FRMPD1: variants seen among roughly 807,000 people sequenced by gnomAD.
FRMPD1 encodes the protein FERM and PDZ domain containing 1, also known as FERM and PDZ domain-containing protein 1.
A neutral mutation model predicts 117.8 loss-of-function variants in FRMPD1; 76 were observed. The observed-to-expected ratio is 0.65, with a 90% confidence interval of 0.54 to 0.78. FRMPD1 has a LOEUF of 0.78. Among genes scored for constraint, FRMPD1 ranks in the 30% least tolerant of loss-of-function variants. The pLI, the probability that FRMPD1 is intolerant of heterozygous loss-of-function variation, is 0.00. For missense variants in FRMPD1, 1,786 were observed against 1,964.5 expected (o/e 0.91, Z 1.72); for synonymous variants, 783 against 770.4 (o/e 1.02, Z -0.27).
At chr9:37,738,314 G>A (rs1026407139) in intron 14 of FRMPD1, among the ~76,000 whole-genome samples, 11 of 142,886 alleles carry the variant, frequency 7.7e-5, no homozygotes, top group African/African-American at 2.8e-4. Context: ...AGAAAGTGAT[G>A]AGTTTGGAGT....
chr9:37,707,627 C>A (rs1396049720), intron 3 of FRMPD1, 54 bp downstream of exon 3: 58 of 1,377,336 alleles, frequency 4.2e-5, no homozygotes, highest in Non-Finnish European at 5.7e-5. Flanking sequence ...GGGGAAATAG[C>A]CCCAAATCTC....
chr9:37,633,575 G>A, the FRMPD1 span, among the ~76,000 whole-genome samples: 1 of 152,204 alleles, frequency 6.6e-6, no homozygotes, highest in Admixed American at 6.5e-5. Context: ...AAGAAAAAAA[G>A]CAGCCTGGTG....
At chr9:37,726,994 G>C (rs1823644951) in intron 7 of FRMPD1, among the ~76,000 whole-genome samples, 1 of 152,150 alleles carries the variant, frequency 6.6e-6, no homozygotes, top group South Asian at 2.1e-4. Context: ...TGGGCCAAGA[G>C]TGATGTGTGA....
chr9:37,640,318 C>G, the FRMPD1 span, among the ~76,000 whole-genome samples: 1 of 152,166 alleles, frequency 6.6e-6, no homozygotes, highest in African/African-American at 2.4e-5. Flanking sequence ...GAGGGGGTGG[C>G]TGAACCGAGG....
chr9:37,708,558 T>C (rs1822798167), intron 4 of FRMPD1, 57 bp downstream of exon 4: 3 of 1,043,464 alleles, frequency 2.9e-6, no homozygotes, highest in South Asian at 1.3e-5. Flanking sequence ...AGAACAAAGA[T>C]GGGCAACAGG....
chr9:37,728,348 G>A (rs1173000183), intron 7 of FRMPD1, among the ~76,000 whole-genome samples: 2 of 152,194 alleles, frequency 1.3e-5, no homozygotes, highest in African/African-American at 4.8e-5. Flanking sequence ...CTGGGACAGA[G>A]AGTAACAGGG....
chr9:37,660,006 G>A (rs1405795654), intron 1 of FRMPD1, among the ~76,000 whole-genome samples: 1 of 151,768 alleles, frequency 6.6e-6, no homozygotes, highest in African/African-American at 2.4e-5. Flanking sequence ...AGCAGGGGGA[G>A]GGTAGTGGCC....
At chr9:37,605,682 T>TTTTATTTA in the FRMPD1 span, among the ~76,000 whole-genome samples, 4,651 of 143,708 alleles carry the variant, frequency 0.032, 84 homozygotes, top group Non-Finnish European at 0.032. Flanking sequence ...TCTGGTAGAA[T>TTTTATTTA]TTTATTTATT....
Position 37,692,677 on chromosome 9 carries a change from G to C in FRMPD1, c.36G>C (p.Arg12=), listed in dbSNP as rs1157597168. The C allele has an allele frequency of 6.2e-7, 1 of 1,613,904 alleles. No homozygotes were observed. The highest frequency in any genetic ancestry group is 1.1e-5 in the South Asian group (1 of 91,064). Reference sequence around the variant, plus strand: ...TGGAGACCAGTTTATTCCAGACACGGAAAGCACATAGAATAGAACAAATGG... The same window carrying C: ...TGGAGACCAGTTTATTCCAGACACGCAAAGCACATAGAATAGAACAAATGG... The part of the protein sequence containing the change: ...EELETSLFQT[R]KAHRIEQMVA... Residue 12 remains arginine (R), a synonymous_variant, in exon 2 of 16, where the codon CGG becomes CGC. Transcript: ENST00000377765.
chr9:37,662,182 A>G (rs1821020830), intron 1 of FRMPD1: 1 of 152,358 alleles, frequency 6.6e-6, no homozygotes, highest in Non-Finnish European at 1.5e-5. Context: ...GTGTCATCCC[A>G]TGACAGAAGG....
chr9:37,738,376 G>C (rs1824230997), intron 14 of FRMPD1, among the ~76,000 whole-genome samples: 1 of 152,242 alleles, frequency 6.6e-6, no homozygotes, highest in Middle Eastern at 3.4e-3. Flanking sequence ...GTCTCTCTCT[G>C]TCACCCAGGC....
chr9:37,720,758 G>A (rs186721264), intron 6 of FRMPD1, among the ~76,000 whole-genome samples: 19 of 149,988 alleles, frequency 1.3e-4, no homozygotes, highest in African/African-American at 2.0e-4. Context: ...ATGGTTGTGC[G>A]TGCCTGTAAT....
the FRMPD1 span, among the ~76,000 whole-genome samples, chr9:37,626,711 C>G: frequency 6.7e-6 from 1 of 148,316 alleles, no homozygotes; most frequent in South Asian, 2.1e-4. Context: ...ATCACCTGAG[C>G]CCAGGTGATA....
intron 5 of FRMPD1, among the ~76,000 whole-genome samples, chr9:37,712,377 T>C (rs1479062224): frequency 6.6e-6 from 1 of 152,234 alleles, no homozygotes; most frequent in African/African-American, 2.4e-5. Context: ...TTTCTTGAGA[T>C]GGAGTCTCAC....
At chr9:37,711,725 A>C (rs1822917127) in intron 5 of FRMPD1, among the ~76,000 whole-genome samples, 1 of 152,192 alleles carries the variant, frequency 6.6e-6, no homozygotes, top group African/African-American at 2.4e-5. Flanking sequence ...AAAATCATTT[A>C]GTTTCAGTTT....
intron 10 of FRMPD1, among the ~76,000 whole-genome samples, chr9:37,732,709 A>G (rs538583209): frequency 6.6e-6 from 1 of 152,342 alleles, no homozygotes; most frequent in East Asian, 1.9e-4. Flanking sequence ...GTCTTGGGAA[A>G]TCAGTTGCCA....
At chr9:37,671,301 T>TGTAG (rs1335797769) in intron 1 of FRMPD1, among the ~76,000 whole-genome samples, 1 of 152,224 alleles carries the variant, frequency 6.6e-6, no homozygotes, top group African/African-American at 2.4e-5. Context: ...TGGGAATAGT[T>TGTAG]GTAGGAAACT....
At chr9:37,710,765 GA>G (rs1822876123) in intron 4 of FRMPD1, among the ~76,000 whole-genome samples, 1 of 152,034 alleles carries the variant, frequency 6.6e-6, no homozygotes, top group South Asian at 2.1e-4. Context: ...AGGAGTTTGA[GA>G]CCAGCCTGAC....
At chr9:37,614,782 A>C in the FRMPD1 span, among the ~76,000 whole-genome samples, 1 of 152,250 alleles carries the variant, frequency 6.6e-6, no homozygotes, top group Admixed American at 6.5e-5. Flanking sequence ...AGGCCAAATG[A>C]GAAGTCATAT....
Sources: gnomAD v4.1 joint callset for allele counts (sites outside exome capture counted in the v4.1 genomes callset) on GRCh38, gnomAD v4.1.1 for gene constraint, MANE v1.5 for transcripts, NCBI Gene and HGNC (gene_info 2026-07-23, HGNC 2026-07-21) for gene names.